PARD3B: variants seen among roughly 807,000 people sequenced by gnomAD.
The protein encoded by PARD3B is par-3 family cell polarity regulator beta, also known as partitioning defective 3 homolog B.
PARD3B carries 103 observed loss-of-function variants against 130.2 expected under a neutral mutation model. The observed-to-expected ratio is 0.79, with a 90% CI of 0.67 to 0.93. The LOEUF (loss-of-function observed/expected upper bound fraction) is 0.93. PARD3B is among the 40% of genes least tolerant of loss of function. The probability of loss-of-function intolerance (pLI) is 0.00; values close to 1 mark genes in which losing one functional copy is unlikely to be tolerated. For missense variants in PARD3B, 1,609 were observed against 1,499.2 expected (o/e 1.07, Z -1.21); for synonymous variants, 583 against 553.2 (o/e 1.05, Z -0.76).
intron 1 of PARD3B, among the ~76,000 whole-genome samples, chr2:204,622,928 A>G (rs2034355875): frequency 6.6e-6 from 1 of 152,040 alleles, no homozygotes; most frequent in Non-Finnish European, 1.5e-5. Flanking sequence ...AGTTCTGTTA[A>G]AGTAAGTGAA....
intron 21 of PARD3B, among the ~76,000 whole-genome samples, chr2:205,511,465 C>A (rs2050586057): frequency 6.6e-6 from 1 of 152,186 alleles, no homozygotes; most frequent in South Asian, 2.1e-4. Flanking sequence ...TTCCCCCAAA[C>A]CACAGCCGTT....
intron 2 of PARD3B, among the ~76,000 whole-genome samples, chr2:204,711,599 A>G (rs1424883777): frequency 6.6e-6 from 1 of 151,798 alleles, no homozygotes; most frequent in Non-Finnish European, 1.5e-5. Context: ...AGACTGGAGC[A>G]CAGTGGCACG....
At chr2:205,499,244 G>A (rs1344971558) in intron 20 of PARD3B, among the ~76,000 whole-genome samples, 1 of 151,586 alleles carries the variant, frequency 6.6e-6, no homozygotes, top group East Asian at 1.9e-4. Context: ...TTCATAAGAG[G>A]AAATACTGGC....
intron 3 of PARD3B, among the ~76,000 whole-genome samples, chr2:205,027,334 A>G (rs1433775667): frequency 2.6e-5 from 4 of 151,984 alleles, no homozygotes; most frequent in Non-Finnish European, 4.4e-5. Flanking sequence ...ACCTTTTTAT[A>G]TATCTGTTGG....
chr2:205,006,441 C>T (rs535841646), intron 3 of PARD3B, among the ~76,000 whole-genome samples: 1 of 152,102 alleles, frequency 6.6e-6, no homozygotes, highest in Non-Finnish European at 1.5e-5. Flanking sequence ...GTAAAAGCAT[C>T]CCCTTTTCAC....
intron 1 of PARD3B, among the ~76,000 whole-genome samples, chr2:204,607,223 T>C (rs1317762610): frequency 6.6e-6 from 1 of 152,118 alleles, no homozygotes; most frequent in Non-Finnish European, 1.5e-5. Flanking sequence ...CAAAGGAAAT[T>C]ATAGGGGCAG....
At chr2:204,889,272 A>G (rs372663674) in intron 2 of PARD3B, among the ~76,000 whole-genome samples, 3 of 152,138 alleles carry the variant, frequency 2.0e-5, no homozygotes, top group Admixed American at 2.0e-4. Context: ...TCTGCTCTTC[A>G]TGATCTCGAT....
chr2:204,634,669 T>A (rs1260414917), intron 1 of PARD3B, among the ~76,000 whole-genome samples: 2 of 152,224 alleles, frequency 1.3e-5, no homozygotes, highest in African/African-American at 4.8e-5. Context: ...GTTCTACATA[T>A]TTATTTTAAT....
At chr2:205,344,433 T>C (rs946404022) in intron 18 of PARD3B, among the ~76,000 whole-genome samples, 1 of 152,116 alleles carries the variant, frequency 6.6e-6, no homozygotes, top group Admixed American at 6.6e-5. Context: ...ACTTCTATGC[T>C]TCAGCCTTCC....
chr2:204,925,693 A>G (rs1225017500), intron 2 of PARD3B, among the ~76,000 whole-genome samples: 1 of 152,064 alleles, frequency 6.6e-6, no homozygotes, highest in Non-Finnish European at 1.5e-5. Context: ...CACACCTCCA[A>G]GAGACATTAT....
chr2:204,968,809 A>G (rs1394719664), intron 3 of PARD3B, among the ~76,000 whole-genome samples: 1 of 152,254 alleles, frequency 6.6e-6, no homozygotes, highest in Non-Finnish European at 1.5e-5. Flanking sequence ...AACAGCAGAA[A>G]TCTACTGACA....
intron 20 of PARD3B, among the ~76,000 whole-genome samples, chr2:205,467,572 AATT>A (rs58938788): frequency 0.037 from 5,567 of 152,308 alleles, 346 homozygotes; most frequent in African/African-American, 0.13. Flanking sequence ...TGTTCACAAT[AATT>A]ATTCTAGAGC....
At position 205,122,058 on chromosome 2, in the gene PARD3B, T is replaced by C; in HGVS notation, c.1165+109T>C. On this transcript the variant is annotated intron_variant, in intron 8 of 22. Coordinates refer to ENST00000406610, the MANE Select transcript of PARD3B (RefSeq NM_001302769.2). This position sits in a 1 kb window ranked among gnomAD's most constrained non-coding sequence, Gnocchi z 4.3. ...TTAATTCTCCCTTCATTTAATTGTATCAAAGAATAGATTTAAGTGTATACT... is the reference window on the plus strand; with the variant it reads ...TTAATTCTCCCTTCATTTAATTGTACCAAAGAATAGATTTAAGTGTATACT... 1 of 948,816 alleles carries C rather than the reference T, an allele frequency of 1.1e-6. No homozygotes were observed. The highest frequency in any genetic ancestry group is 1.8e-5 in the South Asian group (1 of 57,014). The allele number at this position is 948,816 out of a possible 1,614,324, so 58.8% of individuals were successfully genotyped here. A position where few individuals can be genotyped will look rare whatever the true frequency, so the allele number is the denominator to read the frequency against.
At chr2:204,828,148 G>T (rs1462497514) in intron 2 of PARD3B, among the ~76,000 whole-genome samples, 2 of 152,162 alleles carry the variant, frequency 1.3e-5, no homozygotes, top group Non-Finnish European at 2.9e-5. Context: ...CACGTATTGG[G>T]AGCCATGCCT....
intron 22 of PARD3B, among the ~76,000 whole-genome samples, chr2:205,604,041 G>T (rs1291173213): frequency 6.6e-6 from 1 of 152,170 alleles, no homozygotes; most frequent in Non-Finnish European, 1.5e-5. Context: ...AGGCAGGCTT[G>T]CTGGTGACAA....
chr2:204,766,623 T>G (rs2125420239), intron 2 of PARD3B, among the ~76,000 whole-genome samples: 1 of 152,202 alleles, frequency 6.6e-6, no homozygotes, highest in East Asian at 1.9e-4. Context: ...AGCTAGCATA[T>G]TGGTGAAATT....
At chr2:204,748,934 A>T (rs2040354053) in intron 2 of PARD3B, among the ~76,000 whole-genome samples, 1 of 152,124 alleles carries the variant, frequency 6.6e-6, no homozygotes, top group Admixed American at 6.6e-5. Context: ...GTTGAGATGG[A>T]GAATTTGTTC....
intron 4 of PARD3B, among the ~76,000 whole-genome samples, chr2:205,060,454 A>AT (rs1366027606): frequency 6.6e-6 from 1 of 152,114 alleles, no homozygotes; most frequent in Non-Finnish European, 1.5e-5. Context: ...TTTTAGAACA[A>AT]TTTTTTGTTT....
At chr2:204,693,820 G>A (rs1461135876) in intron 2 of PARD3B, among the ~76,000 whole-genome samples, 2 of 151,884 alleles carry the variant, frequency 1.3e-5, no homozygotes, top group Non-Finnish European at 2.9e-5. Flanking sequence ...CTATATCCTT[G>A]TCCCTATTTC....
Sources: allele counts gnomAD v4.1 joint callset (sites outside exome capture counted in the v4.1 genomes callset), GRCh38; gene constraint gnomAD v4.1.1; non-coding constraint Gnocchi (gnomAD v3.1); transcripts MANE v1.5; gene names NCBI Gene and HGNC (gene_info 2026-07-23, HGNC 2026-07-21).